Variants in CDH18 observed in about 807,000 individuals in gnomAD.
CDH18 encodes the protein cadherin-18.
A neutral mutation model predicts 67.9 loss-of-function variants in CDH18; 31 were observed. The observed-to-expected ratio is 0.46, with a 90% confidence interval of 0.34 to 0.62. The LOEUF is 0.62. Among genes scored for constraint, CDH18 ranks in the 20% least tolerant of loss-of-function variants. The pLI, the probability that CDH18 is intolerant of heterozygous loss-of-function variation, is 0.01. For synonymous variants in CDH18, 362 were observed against 347.2 expected (o/e 1.04, Z -0.48); for missense variants, 890 against 975.5 (o/e 0.91, Z 1.17).
chr5:19,913,524 T>C (rs146811955), intron 2 of CDH18, among the ~76,000 whole-genome samples: 4 of 152,142 alleles, frequency 2.6e-5, no homozygotes, highest in Non-Finnish European at 4.4e-5. Flanking sequence ...AACTAAACAG[T>C]TTTTCTATCA....
intron 2 of CDH18, among the ~76,000 whole-genome samples, chr5:19,906,407 G>A (rs1195845400): frequency 6.6e-6 from 1 of 151,524 alleles, no homozygotes. Context: ...TGTCTATACT[G>A]GATCTATATC....
intron 2 of CDH18, among the ~76,000 whole-genome samples, chr5:20,097,677 G>T (rs1160214061): frequency 2.6e-5 from 4 of 152,018 alleles, no homozygotes; most frequent in Non-Finnish European, 5.9e-5. Context: ...TGATTAAATT[G>T]TCATTTGCCA....
chr5:19,626,075 C>A (rs1751491111), intron 5 of CDH18, among the ~76,000 whole-genome samples: 1 of 152,124 alleles, frequency 6.6e-6, no homozygotes, highest in Non-Finnish European at 1.5e-5. Context: ...TTGATGATTT[C>A]TGTAAAACCC....
At chr5:19,595,924 T>A (rs1287374581) in intron 6 of CDH18, among the ~76,000 whole-genome samples, 1 of 152,148 alleles carries the variant, frequency 6.6e-6, no homozygotes, top group Non-Finnish European at 1.5e-5. Flanking sequence ...AAACAAACAA[T>A]CCCTTGACCT....
intron 1 of CDH18, among the ~76,000 whole-genome samples, chr5:20,530,612 A>G (rs1421072946): frequency 1.3e-5 from 2 of 152,070 alleles, no homozygotes; most frequent in African/African-American, 2.4e-5. Context: ...ATCTCCAACA[A>G]ACCTGACAAA....
intron 1 of CDH18, among the ~76,000 whole-genome samples, chr5:20,465,180 G>A (rs1307044066): frequency 1.3e-5 from 2 of 151,086 alleles, no homozygotes; most frequent in Non-Finnish European, 3.0e-5. Flanking sequence ...AGTGTAGATG[G>A]TGAAGCTAGG....
At chr5:19,772,098 T>C (rs960902920) in intron 3 of CDH18, among the ~76,000 whole-genome samples, 5 of 152,178 alleles carry the variant, frequency 3.3e-5, no homozygotes, top group African/African-American at 1.2e-4. Context: ...TTTACTCTCC[T>C]GTCGTTAAAA....
intron 10 of CDH18, among the ~76,000 whole-genome samples, chr5:19,512,706 T>G (rs1158629843): frequency 6.6e-6 from 1 of 152,176 alleles, no homozygotes; most frequent in African/African-American, 2.4e-5. Context: ...TATTAATGGG[T>G]GTTGAATTTT....
chr5:19,520,176 C>G (rs559623862), intron 10 of CDH18, among the ~76,000 whole-genome samples: 28 of 152,206 alleles, frequency 1.8e-4, no homozygotes, highest in African/African-American at 6.7e-4. Flanking sequence ...CCAGATCCAT[C>G]TTCACTCTCA....
intron 2 of CDH18, among the ~76,000 whole-genome samples, chr5:20,061,689 A>C (rs539009326): frequency 6.6e-6 from 1 of 152,350 alleles, no homozygotes; most frequent in African/African-American, 2.4e-5. Flanking sequence ...GACTATAGGT[A>C]AAAATATTAG....
chr5:20,047,933 T>C (rs1741055208), intron 2 of CDH18, among the ~76,000 whole-genome samples: 1 of 151,798 alleles, frequency 6.6e-6, no homozygotes, highest in Non-Finnish European at 1.5e-5. Context: ...TGAGACTTTG[T>C]TTCAGGGTCA....
chr5:20,205,155 A>C (rs1235171964), intron 2 of CDH18, among the ~76,000 whole-genome samples: 2 of 151,984 alleles, frequency 1.3e-5, no homozygotes, highest in Non-Finnish European at 2.9e-5. Flanking sequence ...TAACCTATAA[A>C]TGCGTACATA....
intron 1 of CDH18, among the ~76,000 whole-genome samples, chr5:20,435,517 T>C (rs1282989549): frequency 6.6e-6 from 1 of 151,966 alleles, no homozygotes; most frequent in Non-Finnish European, 1.5e-5. Flanking sequence ...GAAACCTCAA[T>C]TGTGGGTAAG....
chr5:20,202,823 A>G (rs892170568), intron 2 of CDH18, among the ~76,000 whole-genome samples: 1 of 152,186 alleles, frequency 6.6e-6, no homozygotes, highest in East Asian at 1.9e-4. Flanking sequence ...CAAAACACAT[A>G]CCTATATTAA....
upstream of CDH18, among the ~76,000 whole-genome samples, chr5:19,989,109 T>C (rs920064295): frequency 2.0e-5 from 3 of 152,162 alleles, no homozygotes. Context: ...GAAATAACTT[T>C]AGTACTTTCT....
rs970267327 is a variant in CDH18, at chr5:19,967,520, T to C, written c.-257+13540A>G. Among the ~76,000 whole-genome samples, 7 of 152,234 alleles carry C rather than the reference T, an allele frequency of 4.6e-5. No individual in the cohort carries two copies. The South Asian group carries it at 1.0e-3, about 23-fold the overall frequency. On this transcript the variant is annotated intron_variant, in intron 2 of 12. Coordinates refer to ENST00000382275, the MANE Select transcript of CDH18 (RefSeq NM_004934.5). Reference sequence around the variant, plus strand: ...ATTATATAACTTGCCTGTGGTGATATAAACTTTAATGTTACTAAGCTTCAA... The same window carrying C: ...ATTATATAACTTGCCTGTGGTGATACAAACTTTAATGTTACTAAGCTTCAA...
chr5:20,126,601 C>T (rs906952350), intron 2 of CDH18, among the ~76,000 whole-genome samples: 1 of 152,096 alleles, frequency 6.6e-6, no homozygotes, highest in African/African-American at 2.4e-5. Flanking sequence ...TTTAAAAAGT[C>T]TTTTCCAATT....
chr5:20,214,841 T>C (rs749304937), intron 2 of CDH18, among the ~76,000 whole-genome samples: 6 of 151,984 alleles, frequency 3.9e-5, no homozygotes, highest in Non-Finnish European at 5.9e-5. Context: ...AGTTGACAAA[T>C]GTAATCTAAT....
intron 2 of CDH18, among the ~76,000 whole-genome samples, chr5:20,093,556 C>G (rs1745628398): frequency 6.6e-6 from 1 of 152,098 alleles, no homozygotes; most frequent in Admixed American, 6.6e-5. Context: ...GAATTAAACA[C>G]TCATGATAGT....
Sources: allele counts gnomAD v4.1 joint callset (sites outside exome capture counted in the v4.1 genomes callset), GRCh38; gene constraint gnomAD v4.1.1; transcripts MANE v1.5; gene names NCBI Gene and HGNC (gene_info 2026-07-23, HGNC 2026-07-21).